The following SEMA3E variants were observed in gnomAD, a reference collection of about 807,000 sequenced individuals.
The protein encoded by SEMA3E is semaphorin 3E.
SEMA3E carries 49 observed loss-of-function variants against 93.6 expected under a neutral mutation model. That is an observed-to-expected ratio of 0.52 (90% CI 0.42 to 0.66). The LOEUF (loss-of-function observed/expected upper bound fraction) is 0.66, where lower values mean the gene tolerates loss of function less well. Ranked by LOEUF, SEMA3E falls within the 30% of genes least tolerant of loss-of-function variation. The pLI, the probability that SEMA3E is intolerant of heterozygous loss-of-function variation, is 0.00. For missense variants in SEMA3E, 906 were observed against 964.8 expected (o/e 0.94, Z 0.81); for synonymous variants, 363 against 330.7 (o/e 1.10, Z -1.06).
chr7:83,510,648 G>A (rs960144617), intron 1 of SEMA3E, among the ~76,000 whole-genome samples: 2 of 151,934 alleles, frequency 1.3e-5, no homozygotes, highest in African/African-American at 2.4e-5. Context: ...AGGATTTTTC[G>A]ATAGAATATT....
chr7:83,403,083 C>T (rs1788261683), intron 9 of SEMA3E, among the ~76,000 whole-genome samples: 1 of 151,782 alleles, frequency 6.6e-6, no homozygotes, highest in African/African-American at 2.4e-5. Context: ...GATGATCTGG[C>T]CTTCATATTA....
intron 1 of SEMA3E, among the ~76,000 whole-genome samples, chr7:83,547,667 C>A (rs1239123678): frequency 6.6e-6 from 1 of 152,006 alleles, no homozygotes; most frequent in African/African-American, 2.4e-5. Flanking sequence ...TTATGTTTAA[C>A]CTTAGGAAAT....
chr7:83,405,962 G>A lies in SEMA3E; in HGVS notation c.911C>T (p.Thr304Ile). ...CSVPGMNGID[T>I]YFDELEDVFL... The stretch of plus-strand genomic sequence containing the variant: ...ACATTTACCTAATTCATCAAAATAT[G>A]TGTCAATTCCATTCATTCCTGGTAC... The change falls in exon 8 of 17, where the codon ACA (threonine) becomes ATA (isoleucine). Residue 304 changes from threonine to isoleucine, a missense_variant. Physicochemically the swap from Thr to Ile is moderately conservative, Grantham distance 89. Coordinates refer to ENST00000643230, the MANE Select transcript of SEMA3E (RefSeq NM_012431.3). 3.7e-6 allele frequency: 6 copies of A among 1,611,506 alleles called. No individual in the cohort carries two copies. The highest frequency in any genetic ancestry group is 5.1e-6 in the Non-Finnish European group (6 of 1,177,888).
intron 1 of SEMA3E, among the ~76,000 whole-genome samples, chr7:83,645,318 T>C (rs986497333): frequency 1.3e-5 from 2 of 152,028 alleles, no homozygotes; most frequent in African/African-American, 2.4e-5. Flanking sequence ...TATTACCCTA[T>C]TGAGCTGGGA....
intron 1 of SEMA3E, among the ~76,000 whole-genome samples, chr7:83,504,193 C>T (rs933657986): frequency 2.0e-5 from 3 of 152,144 alleles, no homozygotes; most frequent in African/African-American, 7.2e-5. Flanking sequence ...ATCAATATCA[C>T]ATTTTTCTCA....
chr7:83,400,307 A>G, intron 10 of SEMA3E, 57 bp from the exon 11 acceptor site: 1 of 1,500,062 alleles, frequency 6.7e-7, no homozygotes, highest in Non-Finnish European at 9.3e-7. Context: ...GAGAAAATTT[A>G]TAATCAATTA....
chr7:83,459,252 A>G (rs1584262139), intron 4 of SEMA3E, among the ~76,000 whole-genome samples: 1 of 152,156 alleles, frequency 6.6e-6, no homozygotes, highest in African/African-American at 2.4e-5. Flanking sequence ...TTTACATTAG[A>G]AAGAGATTAG....
chr7:83,566,723 A>G (rs1792168068), intron 1 of SEMA3E, among the ~76,000 whole-genome samples: 1 of 152,186 alleles, frequency 6.6e-6, no homozygotes, highest in African/African-American at 2.4e-5. Context: ...AAGCTAAAGA[A>G]TGATATCCAC....
chr7:83,470,305 T>C (rs1286312376), intron 2 of SEMA3E, among the ~76,000 whole-genome samples: 2 of 151,896 alleles, frequency 1.3e-5, no homozygotes, highest in East Asian at 1.9e-4. Context: ...AAATTTCTAA[T>C]TGCAAAACTT....
chr7:83,486,312 A>G (rs1415337781), intron 2 of SEMA3E, among the ~76,000 whole-genome samples: 1 of 152,182 alleles, frequency 6.6e-6, no homozygotes, highest in African/African-American at 2.4e-5. Flanking sequence ...ATGCAGCTAA[A>G]CATCCTGCAA....
intron 1 of SEMA3E, among the ~76,000 whole-genome samples, chr7:83,574,985 A>C (rs761973807): frequency 9.9e-5 from 15 of 152,138 alleles, no homozygotes; most frequent in Non-Finnish European, 2.1e-4. Flanking sequence ...TACAATGAAC[A>C]ATAAATGGAA....
At chr7:83,517,728 G>A (rs1001349553) in intron 1 of SEMA3E, among the ~76,000 whole-genome samples, 2 of 152,118 alleles carry the variant, frequency 1.3e-5, no homozygotes, top group African/African-American at 2.4e-5. Context: ...CAATCAATGT[G>A]TATGGAAAAG....
chr7:83,477,848 A>G (rs1213392531), intron 2 of SEMA3E, among the ~76,000 whole-genome samples: 1 of 152,178 alleles, frequency 6.6e-6, no homozygotes, highest in Non-Finnish European at 1.5e-5. Flanking sequence ...TGAGAAAGGC[A>G]TAAATATTTT....
intron 1 of SEMA3E, among the ~76,000 whole-genome samples, chr7:83,542,659 A>C (rs1247789841): frequency 6.6e-6 from 1 of 152,158 alleles, no homozygotes; most frequent in Non-Finnish European, 1.5e-5. Flanking sequence ...CACCCTAGAA[A>C]GCAGAAGGAA....
intron 4 of SEMA3E, among the ~76,000 whole-genome samples, chr7:83,422,558 T>C (rs1469615452): frequency 2.6e-5 from 4 of 152,178 alleles, no homozygotes; most frequent in African/African-American, 9.7e-5. Context: ...CTTTATACAA[T>C]ATAGATAGTA....
chr7:83,500,817 C>T (rs970282938), intron 1 of SEMA3E, among the ~76,000 whole-genome samples: 1 of 151,996 alleles, frequency 6.6e-6, no homozygotes, highest in Non-Finnish European at 1.5e-5. Flanking sequence ...TCTCGAACTC[C>T]TAACCTCAAG....
chr7:83,518,949 A>G (rs1224293556), intron 1 of SEMA3E, among the ~76,000 whole-genome samples: 2 of 151,800 alleles, frequency 1.3e-5, no homozygotes, highest in Non-Finnish European at 2.9e-5. Context: ...TTGTATAATC[A>G]TTAGATTTCC....
At chr7:83,533,260 G>T (rs1444039189) in intron 1 of SEMA3E, among the ~76,000 whole-genome samples, 5 of 152,044 alleles carry the variant, frequency 3.3e-5, no homozygotes, top group Admixed American at 6.6e-5. Flanking sequence ...CAAAACAGGG[G>T]GCCAGGTGCA....
chr7:83,599,379 A>T (rs1792938491), intron 1 of SEMA3E, among the ~76,000 whole-genome samples: 1 of 152,200 alleles, frequency 6.6e-6, no homozygotes, highest in Admixed American at 6.5e-5. Context: ...TGAATATAAG[A>T]CACAGGAGAG....
Sources: gnomAD v4.1 joint callset for allele counts (sites outside exome capture counted in the v4.1 genomes callset) on GRCh38, gnomAD v4.1.1 for gene constraint, MANE v1.5 for transcripts, NCBI Gene and HGNC (gene_info 2026-07-23, HGNC 2026-07-21) for gene names.